Variants in DOCK3 observed in about 807,000 individuals in gnomAD.
DOCK3 encodes the protein dedicator of cytokinesis protein 3.
A neutral mutation model predicts 265.6 loss-of-function variants in DOCK3; 60 were observed. The observed-to-expected ratio is 0.23, with a 90% CI of 0.18 to 0.28. DOCK3 has a LOEUF of 0.28. Among genes scored for constraint, DOCK3 ranks in the 10% least tolerant of loss-of-function variants. The pLI, the probability that DOCK3 is intolerant of heterozygous loss-of-function variation, is 1.00. For synonymous variants in DOCK3, 881 were observed against 938.0 expected (o/e 0.94, Z 1.11); for missense variants, 1,981 against 2,594.3 (o/e 0.76, Z 5.14).
chr3:51,367,130 A>C (rs889725800), intron 49 of DOCK3, among the ~76,000 whole-genome samples: 31 of 152,030 alleles, frequency 2.0e-4, no homozygotes, highest in Non-Finnish European at 3.7e-4. Flanking sequence ...GTCTAAGTCT[A>C]TTTGTAGGTC....
Position 51,328,237 on chromosome 3 carries a change from G to C in DOCK3, c.3403-1901G>C, listed in dbSNP as rs2084280100. Among the ~76,000 whole-genome samples the C allele has an allele frequency of 1.3e-5, 2 of 152,118 alleles. 1 individual carries two copies. Among genetic ancestry groups the C allele is most frequent in the Admixed American group, 1.3e-4 (2 of 15,270 alleles). ...CCCTGTTTACACTGTTGTACTCTCTGCTGCTCCAGGTCCCCTCCCCACATT... is the reference window on the plus strand; with the variant it reads ...CCCTGTTTACACTGTTGTACTCTCTCCTGCTCCAGGTCCCCTCCCCACATT... On this transcript the variant is annotated intron_variant, in intron 32 of 52. Coordinates refer to ENST00000266037, the MANE Select transcript of DOCK3 (RefSeq NM_004947.5).
At chr3:50,709,578 C>A (rs1252114663) in intron 1 of DOCK3, among the ~76,000 whole-genome samples, 1 of 152,048 alleles carries the variant, frequency 6.6e-6, no homozygotes, top group Admixed American at 6.6e-5. Flanking sequence ...GTAATCCCAG[C>A]ACTTTGGGAG....
At chr3:50,747,041 C>T (rs1191114476) in intron 1 of DOCK3, among the ~76,000 whole-genome samples, 1 of 152,074 alleles carries the variant, frequency 6.6e-6, no homozygotes, top group African/African-American at 2.4e-5. Context: ...TTTGTTCCCA[C>T]ACCATTTGTT....
At chr3:51,299,854 A>G (rs769389997) in intron 27 of DOCK3, among the ~76,000 whole-genome samples, 6 of 152,012 alleles carry the variant, frequency 3.9e-5, no homozygotes, top group Non-Finnish European at 7.4e-5. Context: ...TGTGATGCAT[A>G]CAGTTTTGTT....
chr3:51,324,067 C>T (rs530617650), intron 32 of DOCK3, among the ~76,000 whole-genome samples: 1 of 152,292 alleles, frequency 6.6e-6, no homozygotes, highest in Non-Finnish European at 1.5e-5. Flanking sequence ...ATTGGAAGTT[C>T]TGGCCAGGGC....
intron 22 of DOCK3, among the ~76,000 whole-genome samples, chr3:51,254,904 G>A (rs1454783572): frequency 1.3e-5 from 2 of 152,152 alleles, no homozygotes; most frequent in Non-Finnish European, 2.9e-5. Context: ...ATTTGATCCT[G>A]TCATTATGAT....
intron 12 of DOCK3, among the ~76,000 whole-genome samples, chr3:51,196,527 A>G (rs1352928201): frequency 2.0e-5 from 3 of 152,072 alleles, no homozygotes; most frequent in Non-Finnish European, 4.4e-5. Flanking sequence ...GAACTTGTGG[A>G]TATTGATAAT....
intron 1 of DOCK3, among the ~76,000 whole-genome samples, chr3:50,695,883 A>G (rs1282355877): frequency 1.3e-5 from 2 of 152,236 alleles, no homozygotes; most frequent in African/African-American, 4.8e-5. Context: ...CTTCTGAGCC[A>G]GAGTAGGCTC....
chr3:51,156,454 C>T lies in DOCK3; in HGVS notation c.829-2790C>T, dbSNP rs372227967. ...CCCTTCTTATCTTTCTTTTACAGGT[C>T]ATGTGAGTAATATAATGTAGATAAC... On this transcript the variant is annotated intron_variant, in intron 10 of 52. Coordinates refer to ENST00000266037, the MANE Select transcript of DOCK3 (RefSeq NM_004947.5). 1.5e-3 allele frequency among the ~76,000 whole-genome samples: 222 copies of T among 152,040 alleles called. 4 individuals carry two copies. In the South Asian group the frequency reaches 0.045, roughly 31 times the overall value.
chr3:51,112,415 AT>A lies in DOCK3; in HGVS notation c.746+22033del, dbSNP rs2083560289. 2.0e-5 allele frequency among the ~76,000 whole-genome samples: 3 copies of A among 152,232 alleles called. No individual in the cohort carries two copies. The South Asian group carries it at 6.2e-4, about 32-fold the overall frequency. On this transcript the variant is annotated intron_variant, in intron 9 of 52. Coordinates refer to ENST00000266037, the MANE Select transcript of DOCK3 (RefSeq NM_004947.5). The stretch of plus-strand genomic sequence containing the variant: ...CTGAACTATAGTCATGGTTGGTAGT[AT>A]TCACTAGAAAGATCACAACAGAACC...
chr3:50,729,616 A>G (rs1290050379), intron 1 of DOCK3, among the ~76,000 whole-genome samples: 3 of 151,740 alleles, frequency 2.0e-5, no homozygotes, highest in Non-Finnish European at 4.4e-5. Context: ...GCTCACTGTA[A>G]CCTTGAACTC....
At chr3:50,956,994 G>C (rs980873220) in intron 5 of DOCK3, among the ~76,000 whole-genome samples, 1 of 151,998 alleles carries the variant, frequency 6.6e-6, no homozygotes, top group East Asian at 1.9e-4. Context: ...TTCGCTCCTG[G>C]CCTCAAATGA....
intron 5 of DOCK3, among the ~76,000 whole-genome samples, chr3:50,949,132 C>T (rs1166693458): frequency 1.3e-5 from 2 of 152,106 alleles, no homozygotes; most frequent in Non-Finnish European, 2.9e-5. Flanking sequence ...CGTAGGACAT[C>T]AGAAGCACAA....
chr3:51,362,963 T>A (rs551254987), intron 49 of DOCK3, among the ~76,000 whole-genome samples: 1 of 152,374 alleles, frequency 6.6e-6, no homozygotes, highest in African/African-American at 2.4e-5. Flanking sequence ...ATTGAAAGTT[T>A]TGCTAGAACA....
At chr3:50,820,630 A>G (rs2044353589) in intron 2 of DOCK3, among the ~76,000 whole-genome samples, 1 of 152,194 alleles carries the variant, frequency 6.6e-6, no homozygotes, top group African/African-American at 2.4e-5. Context: ...TGCAGTGATA[A>G]ACATGCAAGT....
intron 41 of DOCK3, 70 bp from the exon 42 acceptor site, chr3:51,356,019 G>A: frequency 1.3e-6 from 2 of 1,591,552 alleles, no homozygotes; most frequent in Non-Finnish European, 1.7e-6. Context: ...CCCCTTTGAG[G>A]AGATGACAGG....
chr3:51,009,844 C>T (rs1467755748), intron 5 of DOCK3, among the ~76,000 whole-genome samples: 1 of 152,138 alleles, frequency 6.6e-6, no homozygotes, highest in African/African-American at 2.4e-5. Flanking sequence ...TTTCAAAGAA[C>T]ATCTTTATTT....
chr3:51,237,503 A>G lies in DOCK3; in HGVS notation c.2015A>G (p.Asn672Ser), dbSNP rs762778994. Reference protein sequence around the residue: ...LVFQSLVFIINLLRDIKYFHF... With the variant: ...LVFQSLVFIISLLRDIKYFHF... Reference sequence around the variant, plus strand: ...CATATCTCCCAGGTGTTCATCATCAACCTGCTCCGAGACATCAAGTATTTT... The same window carrying G: ...CATATCTCCCAGGTGTTCATCATCAGCCTGCTCCGAGACATCAAGTATTTT... Residue 672 changes from asparagine to serine, a missense_variant, in exon 21 of 53, where the codon AAC (asparagine) becomes AGC (serine). This residue lies in a region of DOCK3 where 1,357 missense variants were observed against 1,866.8 expected (regional missense o/e 0.73). Transcript: ENST00000266037. 50 of 1,613,386 alleles carry G rather than the reference A, an allele frequency of 3.1e-5. No homozygotes were observed. The highest frequency in any genetic ancestry group is 6.7e-5 in the East Asian group (3 of 44,874).
At chr3:50,730,409 C>T (rs1045385796) in intron 1 of DOCK3, among the ~76,000 whole-genome samples, 2 of 152,184 alleles carry the variant, frequency 1.3e-5, no homozygotes, top group African/African-American at 2.4e-5. Flanking sequence ...TCCCACAGTG[C>T]TGGGATTACA....
Sources: allele counts gnomAD v4.1 joint callset (sites outside exome capture counted in the v4.1 genomes callset), GRCh38; gene constraint gnomAD v4.1.1; regional missense constraint gnomAD v4.1.1; transcripts MANE v1.5; gene names NCBI Gene and HGNC (gene_info 2026-07-23, HGNC 2026-07-21).